The following CDH18 variants were observed in gnomAD, a reference collection of about 807,000 sequenced individuals.
CDH18 encodes the protein cadherin 18.
In CDH18, 31 loss-of-function variants were observed where a neutral mutation model predicts 67.9. The observed-to-expected ratio is 0.46, with a 90% confidence interval of 0.34 to 0.62. The LOEUF (loss-of-function observed/expected upper bound fraction) is 0.62. Among genes scored for constraint, CDH18 ranks in the 20% least tolerant of loss-of-function variants. The probability of loss-of-function intolerance (pLI) is 0.01; values close to 1 mark genes in which losing one functional copy is unlikely to be tolerated. For missense variants in CDH18, 890 were observed against 975.5 expected, an observed-to-expected ratio of 0.91 and a Z score of 1.17; for synonymous variants, 362 against 347.2, an observed-to-expected ratio of 1.04 and a Z score of -0.48.
chr5:20,155,344 T>C (rs1339989696), intron 2 of CDH18, among the ~76,000 whole-genome samples: 3 of 152,168 alleles, frequency 2.0e-5, no homozygotes, highest in Non-Finnish European at 4.4e-5. Flanking sequence ...TTGAAGCCTA[T>C]ATTTGTTGCT....
intron 2 of CDH18, among the ~76,000 whole-genome samples, chr5:20,199,952 C>T (rs1349832981): frequency 6.6e-6 from 1 of 152,118 alleles, no homozygotes; most frequent in Admixed American, 6.5e-5. Context: ...TCTCGATTTC[C>T]TGAGGCCTCC....
chr5:20,359,108 T>C (rs777874349), intron 1 of CDH18, among the ~76,000 whole-genome samples: 32 of 152,006 alleles, frequency 2.1e-4, no homozygotes, highest in Non-Finnish European at 4.1e-4. Flanking sequence ...ATTTTGTATT[T>C]TTAGTAGAGA....
At chr5:19,672,144 C>G (rs1451120494) in intron 5 of CDH18, among the ~76,000 whole-genome samples, 1 of 152,140 alleles carries the variant, frequency 6.6e-6, no homozygotes, top group Admixed American at 6.6e-5. Context: ...AATTCCACAG[C>G]TGCATCCTGA....
intron 2 of CDH18, among the ~76,000 whole-genome samples, chr5:20,192,098 T>C (rs1738588972): frequency 6.6e-6 from 1 of 152,158 alleles, no homozygotes; most frequent in African/African-American, 2.4e-5. Context: ...TTTGCATTTC[T>C]CTGATGATCA....
rs367710727 is a variant in CDH18, at chr5:20,256,209, T to C, written c.-579-704A>G. 4.6e-5 allele frequency among the ~76,000 whole-genome samples: 7 copies of C among 152,148 alleles called. No homozygotes were observed. In the East Asian group the frequency reaches 9.7e-4, roughly 21 times the overall value. On this transcript the variant is annotated intron_variant, in intron 1 of 14. Coordinates refer to the CDH18 transcript ENST00000507958. Reference sequence around the variant, plus strand: ...CAACATAATGCTCATTGGATCGAAGTGTTAACATTGGAAAGTCAATATTAA... The same window carrying C: ...CAACATAATGCTCATTGGATCGAAGCGTTAACATTGGAAAGTCAATATTAA...
chr5:20,538,912 T>TTTTTTTG (rs1756889918), intron 1 of CDH18, among the ~76,000 whole-genome samples: 1 of 141,872 alleles, frequency 7.0e-6, no homozygotes, highest in African/African-American at 2.5e-5. Flanking sequence ...TTTTTTTGTT[T>TTTTTTTG]TTTTTTTTTT....
chr5:20,217,656 A>T (rs138466604), intron 2 of CDH18, among the ~76,000 whole-genome samples: 1,689 of 151,984 alleles, frequency 0.011, 32 homozygotes, highest in African/African-American at 0.038. Flanking sequence ...AAATGGCAGG[A>T]GTAAGTCTTT....
At chr5:20,574,457 C>G (rs1031494423) in intron 1 of CDH18, among the ~76,000 whole-genome samples, 1 of 151,786 alleles carries the variant, frequency 6.6e-6, no homozygotes, top group Non-Finnish European at 1.5e-5. Flanking sequence ...GAGCAATTCT[C>G]GGGGTAAAAT....
intron 2 of CDH18, among the ~76,000 whole-genome samples, chr5:20,230,625 G>C (rs768168826): frequency 6.8e-6 from 1 of 146,664 alleles, no homozygotes; most frequent in Non-Finnish European, 1.5e-5. Context: ...CTTCATTTCA[G>C]ATAAGTATAG....
At chr5:20,226,587 C>G (rs534118741) in intron 2 of CDH18, among the ~76,000 whole-genome samples, 1 of 152,062 alleles carries the variant, frequency 6.6e-6, no homozygotes, top group Admixed American at 6.6e-5. Flanking sequence ...TATTAAAGCT[C>G]TGAATATAGG....
chr5:20,386,031 A>G (rs1400198773), intron 1 of CDH18, among the ~76,000 whole-genome samples: 1 of 152,206 alleles, frequency 6.6e-6, no homozygotes, highest in African/African-American at 2.4e-5. Context: ...TTATGAATCT[A>G]TCATGTTCTG....
chr5:20,033,483 T>C (rs897979126), intron 2 of CDH18, among the ~76,000 whole-genome samples: 5 of 152,040 alleles, frequency 3.3e-5, no homozygotes, highest in Non-Finnish European at 7.4e-5. Context: ...CTGAAATCCA[T>C]AGTCTCAACA....
intron 7 of CDH18, among the ~76,000 whole-genome samples, chr5:19,587,550 C>T (rs1391263380): frequency 6.6e-6 from 1 of 152,024 alleles, no homozygotes; most frequent in Admixed American, 6.6e-5. Context: ...AATAGGGAAT[C>T]CTTTCTCCAT....
intron 7 of CDH18, 64 bp downstream of exon 7, chr5:19,590,993 C>T: frequency 9.7e-7 from 1 of 1,035,924 alleles, no homozygotes; most frequent in Non-Finnish European, 1.4e-6. Flanking sequence ...CATGCCTCTG[C>T]CAAATTTCCA....
At chr5:20,545,549 G>A (rs1204860119) in intron 1 of CDH18, among the ~76,000 whole-genome samples, 3 of 152,164 alleles carry the variant, frequency 2.0e-5, no homozygotes, top group South Asian at 2.1e-4. Flanking sequence ...AGCTGCCAAG[G>A]TTGGGTCTGA....
At chr5:19,980,597 C>T (rs1215477675) in intron 2 of CDH18, among the ~76,000 whole-genome samples, 1 of 152,132 alleles carries the variant, frequency 6.6e-6, no homozygotes, top group Non-Finnish European at 1.5e-5. Flanking sequence ...ACTACAGCTA[C>T]TCCTTAGTTG....
chr5:20,226,962 T>C lies in CDH18; in HGVS notation c.-518+28482A>G, dbSNP rs74758143. Among the ~76,000 whole-genome samples the C allele has an allele frequency of 5.7e-3, 862 of 152,154 alleles. 9 individuals are homozygous for C. The highest frequency in any genetic ancestry group is 0.02 in the African/African-American group (824 of 41,550). On this transcript the variant is annotated intron_variant, in intron 2 of 14. Transcript: ENST00000507958. ...AATTGTTAAGGTCTTACTTACTCTG[T>C]TCCTCCCATTGTGAATGTGCTTTTA...
chr5:20,316,625 C>T (rs1444743918), intron 1 of CDH18, among the ~76,000 whole-genome samples: 1 of 151,640 alleles, frequency 6.6e-6, no homozygotes, highest in Non-Finnish European at 1.5e-5. Flanking sequence ...ATTAGAGCCT[C>T]GCATTTAACT....
At position 19,788,884 on chromosome 5, in the gene CDH18, T is replaced by C. The variant is rs1776081531; in HGVS notation, c.229-41648A>G. Among the ~76,000 whole-genome samples the C allele has an allele frequency of 3.3e-5, 5 of 152,328 alleles. No individual in the cohort carries two copies. In the South Asian group the frequency reaches 6.2e-4, roughly 19 times the overall value. On this transcript the variant is annotated intron_variant, in intron 3 of 12. Coordinates refer to ENST00000382275, the MANE Select transcript of CDH18 (RefSeq NM_004934.5). The stretch of plus-strand genomic sequence containing the variant: ...CCCAGCATTCACCATGGCCTTTCTC[T>C]TCTATTTTCCCTAACTCTGGTTTTA...
Sources: gnomAD v4.1 joint callset for allele counts (sites outside exome capture counted in the v4.1 genomes callset) on GRCh38, gnomAD v4.1.1 for gene constraint, MANE v1.5 for transcripts, NCBI Gene and HGNC (gene_info 2026-07-23, HGNC 2026-07-21) for gene names.